SUMO2: variants seen among roughly 807,000 people sequenced by gnomAD.
SUMO2 encodes small ubiquitin-related modifier 2.
A neutral mutation model predicts 16.0 loss-of-function variants in SUMO2; 1 was observed. The ratio of observed to expected loss-of-function variants is 0.06; its 90% CI spans 0.02 to 0.30. The LOEUF (loss-of-function observed/expected upper bound fraction) is 0.30, where lower values mean the gene tolerates loss of function less well. Ranked by LOEUF, SUMO2 falls within the 10% of genes least tolerant of loss-of-function variation. The pLI is 1.00. For missense variants in SUMO2, 16 were observed against 117.5 expected, an observed-to-expected ratio of 0.14 and a Z score of 3.99; for synonymous variants, 36 against 40.6, an observed-to-expected ratio of 0.89 and a Z score of 0.43.
chr17:75,172,309 A>G (rs1330073846), intron 3 of SUMO2, among the ~76,000 whole-genome samples: 1 of 142,760 alleles, frequency 7.0e-6, no homozygotes, highest in Non-Finnish European at 1.5e-5. Flanking sequence ...TACAGTCGTG[A>G]GCTACTGTAC....
At chr17:75,175,319 T>C (rs977814808) in intron 2 of SUMO2, among the ~76,000 whole-genome samples, 4 of 151,216 alleles carry the variant, frequency 2.6e-5, no homozygotes, top group Admixed American at 6.6e-5. Flanking sequence ...TAGTATTTTT[T>C]TTCCTTTTCT....
At chr17:75,174,859 G>A (rs543604299) in intron 2 of SUMO2, 36 bp from the exon 3 acceptor site, 98 of 1,572,240 alleles carry the variant, frequency 6.2e-5, no homozygotes, top group Non-Finnish European at 8.2e-5. Context: ...ACAGCATTAA[G>A]AGAAACAGAA....
In SUMO2 at chr17:75,168,413, G is replaced by GA. The variant is rs1346989576; in HGVS notation, c.226-13dup. 4 of 1,600,144 alleles carry GA rather than the reference G, an allele frequency of 2.5e-6. No homozygotes were observed. Among genetic ancestry groups the GA allele is most frequent in the East Asian group, 2.2e-5 (1 of 44,566 alleles). The stretch of plus-strand genomic sequence containing the variant: ...TCCTCCATTTCCAACTAGCATAAAA[G>GA]AAAAAACAAATGTAAAAGCACTGAT... On this transcript the variant is annotated splice_polypyrimidine_tract_variant and intron_variant, in intron 3 of 3. Coordinates refer to ENST00000420826, the MANE Select transcript of SUMO2 (RefSeq NM_006937.4).
At chr17:75,182,636 G>C (rs1355181036) in intron 1 of SUMO2, 178 bp downstream of exon 1, 2 of 405,310 alleles carry the variant, frequency 4.9e-6, no homozygotes, top group East Asian at 9.8e-5. Flanking sequence ...CCTTCGGCGC[G>C]GGAGGGAGGA....
Position 75,181,036 on chromosome 17 carries a change from G to T in SUMO2, c.153+21C>A, listed in dbSNP as rs146490994. ...TTAAAAATAGTTTTATTCAGTGGAA[G>T]TACACATATGAATTCCTCACCTGTC... is the stretch of plus-strand genomic sequence containing the variant. On this transcript the variant is annotated intron_variant, in intron 2 of 3. Coordinates refer to ENST00000420826, the MANE Select transcript of SUMO2 (RefSeq NM_006937.4). 2.5e-4 allele frequency: 409 copies of T among 1,613,050 alleles called. 6 individuals are homozygous for T. In the South Asian group the frequency reaches 3.7e-3, roughly 15 times the overall value.
chr17:75,177,689 A>G (rs553061874), intron 2 of SUMO2, among the ~76,000 whole-genome samples: 1 of 151,882 alleles, frequency 6.6e-6, no homozygotes, highest in African/African-American at 2.4e-5. Flanking sequence ...CTTAAAAAAA[A>G]AAAAGAAAAG....
At chr17:75,182,635 CGGGAGGGAGGAA>C in intron 1 of SUMO2, 167 bp downstream of exon 1, 1 of 404,230 alleles carries the variant, frequency 2.5e-6, no homozygotes, top group Non-Finnish European at 3.9e-6. Flanking sequence ...TCCTTCGGCG[CGGGAGGGAGGAA>C]GAGAGGGAGG....
chr17:75,179,527 C>CAAA (rs35348154), intron 2 of SUMO2, among the ~76,000 whole-genome samples: 95 of 97,210 alleles, frequency 9.8e-4, no homozygotes, highest in African/African-American at 3.3e-3. Context: ...GACTCTGTCT[C>CAAA]AAAAAAAAAA....
chr17:75,174,738 AGAG>A lies in SUMO2; in HGVS notation c.225+11_225+13del. On this transcript the variant is annotated intron_variant, in intron 3 of 3. Coordinates refer to ENST00000420826, the MANE Select transcript of SUMO2 (RefSeq NM_006937.4). ...ACAAATGGTAATTTTTCTAATTAGG[AGAG>A]ATTTTTTTACCTGTGCAGGTGTGTC... 6.2e-7 allele frequency: 1 copy of A among 1,609,250 alleles called. No individual in the cohort carries two copies. The highest frequency in any genetic ancestry group is 1.4e-5 in the African/African-American group (1 of 73,864).
At chr17:75,174,938 T>A (rs1209470942) in intron 2 of SUMO2, 115 bp from the exon 3 acceptor site, 3 of 890,072 alleles carry the variant, frequency 3.4e-6, no homozygotes, top group Admixed American at 2.7e-5. Context: ...AATAAACAAT[T>A]GCCAACATGT....
intron 3 of SUMO2, among the ~76,000 whole-genome samples, chr17:75,174,505 C>T (rs960829721): frequency 6.6e-6 from 1 of 152,158 alleles, no homozygotes; most frequent in Non-Finnish European, 1.5e-5. Context: ...ACACTTCAAC[C>T]CGGGCAACAG....
rs1713601270 is a variant in SUMO2 at position 75,174,691 on chromosome 17, A to C, written c.225+61T>G. On this transcript the variant is annotated intron_variant, in intron 3 of 3. Coordinates refer to ENST00000420826, the MANE Select transcript of SUMO2 (RefSeq NM_006937.4). ...CCAGTGTCTAAACGTTCAAATTCAT[A>C]AACACAGCTGTTCAAAGAATTACAA... is the stretch of plus-strand genomic sequence containing the variant. The C allele has an allele frequency of 2.7e-6, 4 of 1,496,942 alleles. No individual in the cohort carries two copies. In the Admixed American group the frequency reaches 7.5e-5, roughly 28 times the overall value. The allele number at this position is 1,496,942 out of a possible 1,614,324, so 92.7% of individuals were successfully genotyped here.
intron 3 of SUMO2, among the ~76,000 whole-genome samples, chr17:75,171,142 T>A (rs1015067044): frequency 5.9e-5 from 9 of 151,520 alleles, no homozygotes; most frequent in Admixed American, 1.3e-4. Flanking sequence ...TTTCTATTTT[T>A]TCTTGCGATG....
chr17:75,178,779 T>C (rs560233557), intron 2 of SUMO2, among the ~76,000 whole-genome samples: 29 of 151,348 alleles, frequency 1.9e-4, no homozygotes, highest in African/African-American at 7.0e-4. Flanking sequence ...CAGTGGCTCA[T>C]GCCTGTAAAC....
At chr17:75,178,978 T>C (rs2074805728) in intron 2 of SUMO2, among the ~76,000 whole-genome samples, 1 of 152,020 alleles carries the variant, frequency 6.6e-6, no homozygotes, top group African/African-American at 2.4e-5. Flanking sequence ...AAAAACCAGA[T>C]GAGGTCTTAC....
chr17:75,177,242 C>T (rs574185172), intron 2 of SUMO2, among the ~76,000 whole-genome samples: 1 of 151,894 alleles, frequency 6.6e-6, no homozygotes, highest in African/African-American at 2.4e-5. Flanking sequence ...GTGGCAGGCG[C>T]TGTAATCCCA....
chr17:75,176,206 A>AT (rs2074781445), intron 2 of SUMO2, among the ~76,000 whole-genome samples: 4 of 152,016 alleles, frequency 2.6e-5, no homozygotes, highest in African/African-American at 7.2e-5. Context: ...TGCTGGGCTA[A>AT]TTTTTTGTAT....
At chr17:75,182,305 GCC>G (rs2074835352) in intron 1 of SUMO2, 1 of 152,440 alleles carries the variant, frequency 6.6e-6, no homozygotes, top group South Asian at 2.1e-4. Context: ...CCCGTCCGCA[GCC>G]CATTGATTCG....
chr17:75,169,140 G>A (rs2074715468), intron 3 of SUMO2, among the ~76,000 whole-genome samples: 1 of 151,918 alleles, frequency 6.6e-6, no homozygotes, highest in Non-Finnish European at 1.5e-5. Flanking sequence ...GCCGAGGTGG[G>A]AGGATCAATT....
Sources: allele counts gnomAD v4.1 joint callset (sites outside exome capture counted in the v4.1 genomes callset), GRCh38; gene constraint gnomAD v4.1.1; transcripts MANE v1.5; gene names NCBI Gene and HGNC (gene_info 2026-07-23, HGNC 2026-07-21).